Variants in NDUFA10 observed in about 807,000 individuals in gnomAD.
The protein encoded by NDUFA10 is NADH:ubiquinone oxidoreductase subunit A10, also known as NADH dehydrogenase [ubiquinone] 1 alpha subcomplex subunit 10, mitochondrial.
Under a neutral mutation model 47.8 loss-of-function variants are expected in NDUFA10, and 40 were observed. The ratio of observed to expected loss-of-function variants is 0.84; its 90% CI spans 0.65 to 1.09. The LOEUF (loss-of-function observed/expected upper bound fraction) is 1.09, where lower values mean the gene tolerates loss of function less well. NDUFA10 is among the 50% of genes least tolerant of loss of function. NDUFA10 has a pLI of 0.00. For synonymous variants in NDUFA10, 183 were observed against 172.2 expected (o/e 1.06, Z -0.49); for missense variants, 413 against 451.1 (o/e 0.92, Z 0.76).
intron 4 of NDUFA10, among the ~76,000 whole-genome samples, chr2:239,949,427 G>A (rs979993066): frequency 1.5e-4 from 23 of 152,320 alleles, no homozygotes; most frequent in African/African-American, 4.6e-4. Context: ...ACTCCCCAGC[G>A]TGGGCAGGCA....
chr2:239,911,820 G>A (rs1213222246), intron 4 of NDUFA10, among the ~76,000 whole-genome samples: 1 of 151,778 alleles, frequency 6.6e-6, no homozygotes, highest in Non-Finnish European at 1.5e-5. Context: ...CACGCCCTCG[G>A]TGACCAGCAG....
At chr2:239,925,813 A>C (rs1396245311) in intron 4 of NDUFA10, among the ~76,000 whole-genome samples, 1 of 152,210 alleles carries the variant, frequency 6.6e-6, no homozygotes. Context: ...AATCTCAACA[A>C]TGATCAGCTC....
chr2:239,941,030 C>T (rs4356684), intron 4 of NDUFA10, among the ~76,000 whole-genome samples: 68,182 of 151,974 alleles, frequency 0.45, 15,311 homozygotes, highest in African/African-American at 0.46. Context: ...TCTGGGTACC[C>T]ACCACCCAGG....
chr2:239,977,990 T>A (rs1399779261), intron 9 of NDUFA10, among the ~76,000 whole-genome samples: 3 of 151,698 alleles, frequency 2.0e-5, no homozygotes, highest in South Asian at 2.1e-4. Flanking sequence ...TAGGTTGGGG[T>A]CCTATGAAAC....
In NDUFA10 at chr2:240,005,274, G is replaced by T. The variant is rs1419770276; in HGVS notation, c.826C>A (p.Leu276Met). 1 of 1,613,774 alleles carries T rather than the reference G, an allele frequency of 6.2e-7. No homozygotes were observed. The highest frequency in any genetic ancestry group is 2.2e-5 in the East Asian group (1 of 44,892). ...SKKVVEDIEYLKFDKGPWLKQ... is the reference protein window; with the variant it reads ...SKKVVEDIEYMKFDKGPWLKQ... ...AGCCACGGCCCTTTATCGAACTTCA[G>T]GTATTCAATGTCCTCTACCACCTAA... is the stretch of plus-strand genomic sequence containing the variant. Residue 276 changes from leucine to methionine, a missense_variant, in exon 8 of 10, where the codon CTG (leucine) becomes ATG (methionine). By Grantham distance (15) the Leu-to-Met change is conservative. Coordinates refer to ENST00000252711, the MANE Select transcript of NDUFA10 (RefSeq NM_004544.4).
chr2:239,966,181 T>C (rs1236906882), intron 9 of NDUFA10, among the ~76,000 whole-genome samples: 1 of 152,130 alleles, frequency 6.6e-6, no homozygotes, highest in Non-Finnish European at 1.5e-5. Flanking sequence ...TTTTAGACAG[T>C]GCACTGGGAG....
chr2:239,944,374 G>A (rs934380567), intron 4 of NDUFA10, among the ~76,000 whole-genome samples: 5 of 152,188 alleles, frequency 3.3e-5, no homozygotes, highest in Admixed American at 1.3e-4. Flanking sequence ...GGCCAGCGCC[G>A]CAGGCTGAGA....
intron 4 of NDUFA10, among the ~76,000 whole-genome samples, chr2:239,942,309 C>T (rs1425564590): frequency 2.0e-5 from 3 of 152,248 alleles, no homozygotes; most frequent in Admixed American, 2.0e-4. Context: ...CCCACCAGGG[C>T]GCCTGAGCCA....
chr2:240,006,816 C>T (rs942220536), intron 7 of NDUFA10, among the ~76,000 whole-genome samples: 2 of 152,174 alleles, frequency 1.3e-5, no homozygotes, highest in East Asian at 3.8e-4. Flanking sequence ...TGCATTAACA[C>T]CACAATGCTC....
At chr2:239,912,197 C>T (rs895586985) in intron 4 of NDUFA10, among the ~76,000 whole-genome samples, 20 of 152,128 alleles carry the variant, frequency 1.3e-4, no homozygotes, top group African/African-American at 4.6e-4. Flanking sequence ...CACTTTGCAC[C>T]CCCCTCTGGT....
chr2:239,931,010 C>T (rs1694163859), intron 4 of NDUFA10, among the ~76,000 whole-genome samples: 1 of 152,048 alleles, frequency 6.6e-6, no homozygotes, highest in South Asian at 2.1e-4. Flanking sequence ...GCAGTAGGGC[C>T]CTGTGGAGAA....
In NDUFA10 at chr2:239,960,686, G is replaced by A. The variant is rs761092348; in HGVS notation, c.*432C>T. 1.5e-4 allele frequency: 174 copies of A among 1,149,758 alleles called. No homozygotes were observed. Among genetic ancestry groups the A allele is most frequent in the Non-Finnish European group, 1.8e-4 (170 of 922,026 alleles). 71.2% of individuals were successfully genotyped at this position (1,149,758 alleles called of 1,614,324 possible). On this transcript the variant is annotated 3_prime_UTR_variant, in exon 10 of 10. Transcript: ENST00000252711. ...AAACAGGGCCCAGAGCAGCGTGTGT[G>A]CACGTGTGCAGTTTCGACGTGCCCG...
intron 6 of NDUFA10, among the ~76,000 whole-genome samples, chr2:240,011,145 C>T (rs1308452644): frequency 1.3e-5 from 2 of 152,204 alleles, no homozygotes; most frequent in African/African-American, 4.8e-5. Context: ...GAAAGAAAAA[C>T]AGTCTGGTGG....
chr2:239,942,251 A>G (rs916295947), intron 4 of NDUFA10, among the ~76,000 whole-genome samples: 17 of 152,356 alleles, frequency 1.1e-4, no homozygotes, highest in Middle Eastern at 3.4e-3. Flanking sequence ...TTCACGCGGT[A>G]GTGTGCGCTG....
At chr2:239,961,288 T>C (rs2106393788) in intron 9 of NDUFA10, 102 bp from the exon 10 acceptor site, 2 of 1,586,284 alleles carry the variant, frequency 1.3e-6, no homozygotes, top group Non-Finnish European at 1.7e-6. Flanking sequence ...ACTTCATGAG[T>C]TCCTTCAGCA....
At chr2:239,901,542 C>A (rs1693550242) in intron 4 of NDUFA10, among the ~76,000 whole-genome samples, 1 of 151,892 alleles carries the variant, frequency 6.6e-6, no homozygotes, top group African/African-American at 2.4e-5. Context: ...GATGGAGAGG[C>A]ATAAGGAGGT....
At chr2:239,926,142 C>A (rs1694061553) in intron 4 of NDUFA10, among the ~76,000 whole-genome samples, 1 of 152,162 alleles carries the variant, frequency 6.6e-6, no homozygotes, top group Admixed American at 6.5e-5. Flanking sequence ...CACTTCTGGG[C>A]ATTTACACCA....
In NDUFA10 at chr2:240,007,268, A is replaced by G. The variant is rs193112340; in HGVS notation, c.804+48T>C. On this transcript the variant is annotated intron_variant, in intron 7 of 9. Transcript: ENST00000252711. ...GATCTGATTTGCAAGAACCTTACAC[A>G]TGAATCAAATGTAGGAATAACTTTC... is the stretch of plus-strand genomic sequence containing the variant. The G allele has an allele frequency of 1.1e-3, 1,534 of 1,374,124 alleles. 26 individuals carry two copies. The South Asian group carries it at 0.014, about 13-fold the overall frequency. 85.1% of individuals were successfully genotyped at this position (1,374,124 alleles called of 1,614,324 possible).
chr2:240,011,970 T>C lies in NDUFA10; in HGVS notation c.670-274A>G, dbSNP rs141638276. 5,431 of 441,054 alleles carry C rather than the reference T, an allele frequency of 0.012. 33 individuals are homozygous for C. Among genetic ancestry groups the C allele is most frequent in the Non-Finnish European group, 0.017 (4,097 of 235,388 alleles). The allele number at this position is 441,054 out of a possible 1,614,324, so 27.3% of individuals were successfully genotyped here. A position where few individuals can be genotyped will look rare whatever the true frequency, so the allele number is the denominator to read the frequency against. ...GTATACTTAGGGCAAGAAAGATGCC[T>C]GTTACGAAGCAGCACTGCCTGTCTT... On this transcript the variant is annotated intron_variant, in intron 5 of 9. Transcript: ENST00000252711.
Sources: gnomAD v4.1 joint callset for allele counts (sites outside exome capture counted in the v4.1 genomes callset) on GRCh38, gnomAD v4.1.1 for gene constraint, MANE v1.5 for transcripts, NCBI Gene and HGNC (gene_info 2026-07-23, HGNC 2026-07-21) for gene names.